The following KIRREL3 variants were observed in gnomAD, a reference collection of about 807,000 sequenced individuals.
The protein encoded by KIRREL3 is kirre like nephrin family adhesion molecule 3.
A neutral mutation model predicts 89.7 loss-of-function variants in KIRREL3; 36 were observed. The ratio of observed to expected loss-of-function variants is 0.40; its 90% confidence interval spans 0.31 to 0.53. The LOEUF is 0.53. Ranked by LOEUF, KIRREL3 falls within the 20% of genes least tolerant of loss-of-function variation. The pLI is 0.49. For missense variants in KIRREL3, 864 were observed against 1,056.6 expected (o/e 0.82, Z 2.53); for synonymous variants, 445 against 441.4 (o/e 1.01, Z -0.10).
At chr11:126,688,825 C>T (rs368540207) in intron 1 of KIRREL3, among the ~76,000 whole-genome samples, 50 of 152,134 alleles carry the variant, frequency 3.3e-4, no homozygotes, top group Middle Eastern at 3.4e-3. Flanking sequence ...TGAGAGATGA[C>T]ATGATAGCTG....
rs145118127 is a variant in KIRREL3 at position 126,808,159 on chromosome 11, T to G, written c.55+192296A>C. 2.6e-5 allele frequency among the ~76,000 whole-genome samples: 4 copies of G among 152,204 alleles called. No homozygotes were observed. The East Asian group carries it at 5.8e-4, about 22-fold the overall frequency. On this transcript the variant is annotated intron_variant, in intron 1 of 16. Coordinates refer to ENST00000525144, the MANE Select transcript of KIRREL3 (RefSeq NM_032531.4). This position sits in a 1 kb window ranked among gnomAD's most constrained non-coding sequence, Gnocchi z 4.1. ...GGGTTGAGGAGCAATTGTATGTAGT[T>G]TGGAGAATAGGGCCCTCATCTTGAG...
In KIRREL3 at chr11:126,685,415, C is replaced by T. The variant is rs972166865; in HGVS notation, c.56-122503G>A. Among the ~76,000 whole-genome samples the T allele has an allele frequency of 5.3e-5, 8 of 152,082 alleles. No homozygotes were observed. The highest frequency in any genetic ancestry group is 1.2e-4 in the African/African-American group (5 of 41,410). ...GGGGTAGCTGCCTTACCAGAGAGAG[C>T]GGGATTTCTCAGACACTGCTAACTT... On this transcript the variant is annotated intron_variant, in intron 1 of 16. Transcript: ENST00000525144. The surrounding 1 kb of genome is among the most constrained non-coding windows in gnomAD (Gnocchi z 5.5).
chr11:126,456,132 C>G (rs1315681802), intron 7 of KIRREL3, among the ~76,000 whole-genome samples: 2 of 143,180 alleles, frequency 1.4e-5, no homozygotes, highest in African/African-American at 5.3e-5. Flanking sequence ...CCTGCTTCCT[C>G]CAGTGGAAGA....
rs145715149 is a variant in KIRREL3, at chr11:126,484,962, C to T, written c.434-11496G>A. 0.023 allele frequency among the ~76,000 whole-genome samples: 3,461 copies of T among 152,148 alleles called. 138 individuals are homozygous for T. Among genetic ancestry groups the T allele is most frequent in the African/African-American group, 0.075 (3,093 of 41,474 alleles). On this transcript the variant is annotated intron_variant, in intron 4 of 16. Transcript: ENST00000525144. The surrounding 1 kb of genome is among the most constrained non-coding windows in gnomAD (Gnocchi z 5.2). The stretch of plus-strand genomic sequence containing the variant: ...TTTTAAATAGCTGGGATTACAGGCA[C>T]CTGCCACCACGCCTGGCTGATATTT...
chr11:126,644,312 A>G (rs1298902097), intron 1 of KIRREL3, among the ~76,000 whole-genome samples: 1 of 152,192 alleles, frequency 6.6e-6, no homozygotes, highest in South Asian at 2.1e-4. Flanking sequence ...CACCAAGGGA[A>G]GTGGGAAAAT....
intron 1 of KIRREL3, among the ~76,000 whole-genome samples, chr11:126,765,042 C>T (rs888839951): frequency 3.3e-5 from 5 of 152,314 alleles, no homozygotes; most frequent in African/African-American, 1.2e-4. Flanking sequence ...AGCAGGCAAT[C>T]ATGACATTCC....
rs1946613789 is a variant in KIRREL3, at chr11:126,906,973, G to C, written c.55+93482C>G. ...GATATTGAAAGACAGGAGGGAAGCA[G>C]ACCTAGGAAGGAATCCTTAGTTTCC... On this transcript the variant is annotated intron_variant, in intron 1 of 16. Transcript: ENST00000525144. The surrounding 1 kb of genome is among the most constrained non-coding windows in gnomAD (Gnocchi z 4.1). Among the ~76,000 whole-genome samples the C allele has an allele frequency of 6.6e-6, 1 of 152,206 alleles. No individual in the cohort carries two copies. The highest frequency in any genetic ancestry group is 6.5e-5 in the Admixed American group (1 of 15,280).
chr11:126,848,408 A>C (rs969389296), intron 1 of KIRREL3, among the ~76,000 whole-genome samples: 22 of 152,206 alleles, frequency 1.4e-4, no homozygotes, highest in African/African-American at 5.3e-4. Context: ...CTGTTATTAA[A>C]TTCCAGTCTC....
intron 1 of KIRREL3, among the ~76,000 whole-genome samples, chr11:126,821,022 A>G (rs1393519260): frequency 1.3e-5 from 2 of 152,136 alleles, no homozygotes; most frequent in African/African-American, 2.4e-5. Flanking sequence ...ACTCCAAAAC[A>G]TTCCCTCTTT....
In KIRREL3 at chr11:126,734,579, C is replaced by T. The variant is rs148672648; in HGVS notation, c.56-171667G>A. 7.9e-3 allele frequency among the ~76,000 whole-genome samples: 1,204 copies of T among 152,144 alleles called. 28 individuals are homozygous for T. Among genetic ancestry groups the T allele is most frequent in the African/African-American group, 0.028 (1,167 of 41,490 alleles). ...TTGGGAGGCTGAGACAAGAGAATCA[C>T]TTGAACCTGGGAAGCGGAGGTTGCA... is the stretch of plus-strand genomic sequence containing the variant. On this transcript the variant is annotated intron_variant, in intron 1 of 16. Coordinates refer to ENST00000525144, the MANE Select transcript of KIRREL3 (RefSeq NM_032531.4). The surrounding 1 kb of genome is among the most constrained non-coding windows in gnomAD (Gnocchi z 5.9).
At chr11:126,921,884 A>G (rs1168926347) in intron 1 of KIRREL3, among the ~76,000 whole-genome samples, 1 of 148,648 alleles carries the variant, frequency 6.7e-6, no homozygotes, top group Non-Finnish European at 1.5e-5. Context: ...TCTATCTATC[A>G]TCTATCTCCC....
chr11:126,865,289 T>A (rs1463699773), intron 1 of KIRREL3, among the ~76,000 whole-genome samples: 1 of 152,248 alleles, frequency 6.6e-6, no homozygotes, highest in African/African-American at 2.4e-5. Flanking sequence ...AAGCTCACCC[T>A]CCCTGCAGAC....
At chr11:126,712,348 G>A (rs1047419205) in intron 1 of KIRREL3, among the ~76,000 whole-genome samples, 1 of 152,132 alleles carries the variant, frequency 6.6e-6, no homozygotes, top group South Asian at 2.1e-4. Context: ...TTCCCAAGGC[G>A]GCCTCTCTGA....
chr11:126,541,092 A>G lies in KIRREL3; in HGVS notation c.134-14405T>C, dbSNP rs111536321. Among the ~76,000 whole-genome samples the G allele has an allele frequency of 2.0e-5, 3 of 152,188 alleles. No homozygotes were observed. Among genetic ancestry groups the G allele is most frequent in the Non-Finnish European group, 4.4e-5 (3 of 68,028 alleles). ...GACAGAGTGCCCATCAACCCCTCTC[A>G]GAGGGCGTCAGCGTGGGCACCACCA... On this transcript the variant is annotated intron_variant, in intron 2 of 16. Transcript: ENST00000525144. This position sits in a 1 kb window ranked among gnomAD's most constrained non-coding sequence, Gnocchi z 4.8.
Position 126,802,344 on chromosome 11 carries a change from C to T in KIRREL3, c.55+198111G>A, listed in dbSNP as rs183749183. Among the ~76,000 whole-genome samples the T allele has an allele frequency of 9.2e-5, 14 of 152,140 alleles. 1 individual carries two copies. The highest frequency in any genetic ancestry group is 5.2e-4 in the Admixed American group (8 of 15,292). Reference sequence around the variant, plus strand: ...GAGATGGCGTTAGTGCCAGGCGGCCCGTGGAGAAAAGCTTTCGCTATACTG... The same window carrying T: ...GAGATGGCGTTAGTGCCAGGCGGCCTGTGGAGAAAAGCTTTCGCTATACTG... On this transcript the variant is annotated intron_variant, in intron 1 of 16. Transcript: ENST00000525144. This position sits in a 1 kb window ranked among gnomAD's most constrained non-coding sequence, Gnocchi z 5.2.
In KIRREL3 at chr11:126,953,029, C is replaced by A. The variant is rs898408757; in HGVS notation, c.55+47426G>T. ...AATCATTCTACTATGAAGACACATGCACATGTATGTTTATTGCAGCACTGT... is the reference window on the plus strand; with the variant it reads ...AATCATTCTACTATGAAGACACATGAACATGTATGTTTATTGCAGCACTGT... On this transcript the variant is annotated intron_variant, in intron 1 of 16. Coordinates refer to ENST00000525144, the MANE Select transcript of KIRREL3 (RefSeq NM_032531.4). This position sits in a 1 kb window ranked among gnomAD's most constrained non-coding sequence, Gnocchi z 5.2. 6.6e-6 allele frequency among the ~76,000 whole-genome samples: 1 copy of A among 152,156 alleles called. No individual in the cohort carries two copies. The highest frequency in any genetic ancestry group is 1.5e-5 in the Non-Finnish European group (1 of 68,038).
rs527319814 is a variant in KIRREL3 at position 126,830,596 on chromosome 11, A to G, written c.55+169859T>C. Among the ~76,000 whole-genome samples the G allele has an allele frequency of 3.3e-5, 5 of 152,246 alleles. No individual in the cohort carries two copies. Among genetic ancestry groups the G allele is most frequent in the African/African-American group, 1.2e-4 (5 of 41,528 alleles). On this transcript the variant is annotated intron_variant, in intron 1 of 16. Coordinates refer to ENST00000525144, the MANE Select transcript of KIRREL3 (RefSeq NM_032531.4). The surrounding 1 kb of genome is among the most constrained non-coding windows in gnomAD (Gnocchi z 4.9). ...GTGACAGTCATCTCTTAGTGTTTCG[A>G]TTTTAGAGCGGCTGTTAAGAGCCAG... is the stretch of plus-strand genomic sequence containing the variant.
chr11:126,549,202 T>C (rs1178614562), intron 2 of KIRREL3: 1 of 152,208 alleles, frequency 6.6e-6, no homozygotes, highest in East Asian at 1.9e-4. Flanking sequence ...CCATTATGTG[T>C]ATTTCAAACC....
At chr11:126,504,295 G>A (rs1432297297) in intron 4 of KIRREL3, among the ~76,000 whole-genome samples, 2 of 151,978 alleles carry the variant, frequency 1.3e-5, no homozygotes, top group African/African-American at 4.8e-5. Context: ...GTCTTCCCTT[G>A]TCCTCTTATG....
Sources: gnomAD v4.1 joint callset for allele counts (sites outside exome capture counted in the v4.1 genomes callset) on GRCh38, gnomAD v4.1.1 for gene constraint, Gnocchi (gnomAD v3.1) non-coding constraint, MANE v1.5 for transcripts, NCBI Gene and HGNC (gene_info 2026-07-23, HGNC 2026-07-21) for gene names.